PHC3: variants seen among roughly 807,000 people sequenced by gnomAD.
PHC3 encodes polyhomeotic homolog 3.
A neutral mutation model predicts 107.4 loss-of-function variants in PHC3; 13 were observed. That is an observed-to-expected ratio of 0.12 (90% CI 0.08 to 0.19). The LOEUF is 0.19. PHC3 is among the 10% of genes least tolerant of loss of function. The pLI is 1.00. For synonymous variants in PHC3, 456 were observed against 427.4 expected (o/e 1.07, Z -0.83); for missense variants, 992 against 1,210.9 (o/e 0.82, Z 2.68).
At position 170,117,479 on chromosome 3, in the gene PHC3, G is replaced by GAA. The variant is rs150242411; in HGVS notation, c.1943-5_1943-4dup. 8 of 1,555,792 alleles carry GAA rather than the reference G, an allele frequency of 5.1e-6. No individual in the cohort carries two copies. Among genetic ancestry groups the GAA allele is most frequent in the South Asian group, 2.4e-5 (2 of 83,664 alleles). ...CACAGCAGGTAATTCCACTTGCTCT[G>GAA]AAAAAAAAACCAAAAAGTCATTTAA... On this transcript the variant is annotated splice_polypyrimidine_tract_variant and splice_region_variant and intron_variant, in intron 9 of 14. Coordinates refer to ENST00000495893, the MANE Select transcript of PHC3 (RefSeq NM_024947.4).
At chr3:170,138,372 C>T (rs1723474520) in intron 6 of PHC3, among the ~76,000 whole-genome samples, 1 of 152,084 alleles carries the variant, frequency 6.6e-6, no homozygotes, top group Non-Finnish European at 1.5e-5. Context: ...CTAATAACCA[C>T]TGCATTATTA....
intron 4 of PHC3, chr3:170,149,850 C>CA (rs1725616215): frequency 6.6e-6 from 1 of 152,200 alleles, no homozygotes; most frequent in Non-Finnish European, 1.5e-5. Context: ...GGCCAGTGCT[C>CA]ACTTCCGCAG....
chr3:170,128,704 C>A lies in PHC3; in HGVS notation c.1768G>T (p.Ala590Ser). 8 of 1,613,952 alleles carry A rather than the reference C, an allele frequency of 5.0e-6. No homozygotes were observed. Among genetic ancestry groups the A allele is most frequent in the Non-Finnish European group, 6.8e-6 (8 of 1,179,828 alleles). ...VAVNLQVQPP[A>S]PVDPPVVYQV... ...CTTACCACTGGTGGATCAACAGGTG[C>A]TGGTGGTTGCACTTGTAGGTTTACC... is the stretch of plus-strand genomic sequence containing the variant. The change falls in exon 8 of 15, where the codon GCA becomes TCA. Residue 590 changes from alanine (A) to serine (S), a missense_variant. Ala to Ser is a moderately conservative substitution (Grantham distance 99). Coordinates refer to ENST00000495893, the MANE Select transcript of PHC3 (RefSeq NM_024947.4).
At chr3:170,109,113 G>A (rs1241247551) in intron 11 of PHC3, among the ~76,000 whole-genome samples, 1 of 152,132 alleles carries the variant, frequency 6.6e-6, no homozygotes, top group African/African-American at 2.4e-5. Context: ...TTACATTTAT[G>A]AATTAGAAAA....
At chr3:170,162,594 T>C (rs1046015118) in intron 4 of PHC3, among the ~76,000 whole-genome samples, 10 of 152,248 alleles carry the variant, frequency 6.6e-5, no homozygotes, top group Admixed American at 4.6e-4. Context: ...ATCACCATCA[T>C]GATCCAAATT....
At chr3:170,132,623 G>A (rs1369773793) in intron 7 of PHC3, among the ~76,000 whole-genome samples, 1 of 152,226 alleles carries the variant, frequency 6.6e-6, no homozygotes, top group Non-Finnish European at 1.5e-5. Context: ...AAGCCAGGAA[G>A]TGAGCCTTCA....
rs182437308 is a variant in PHC3 at position 170,100,356 on chromosome 3, T to C, written c.2833+2123A>G. Among the ~76,000 whole-genome samples the C allele has an allele frequency of 2.2e-4, 33 of 152,052 alleles. 1 individual carries two copies. In the East Asian group the frequency reaches 5.8e-3, roughly 27 times the overall value. ...CAAAGTCCAGAGAAGCAGAAAGAAA[T>C]GAACACTAAGGCATTTTCTGGTATG... On this transcript the variant is annotated intron_variant, in intron 14 of 14. Transcript: ENST00000495893.
At chr3:170,129,704 A>AG (rs1253999919) in intron 7 of PHC3, among the ~76,000 whole-genome samples, 152 bp from the exon 8 acceptor site, 2 of 151,926 alleles carry the variant, frequency 1.3e-5, no homozygotes, top group Non-Finnish European at 2.9e-5. Flanking sequence ...AAAAAAAAAA[A>AG]ATTTTTTTTT....
chr3:170,164,610 C>G (rs1352693618), intron 4 of PHC3, among the ~76,000 whole-genome samples: 1 of 152,010 alleles, frequency 6.6e-6, no homozygotes, highest in Non-Finnish European at 1.5e-5. Context: ...CAGAAGACCC[C>G]AAAAGGTAAA....
intron 12 of PHC3, among the ~76,000 whole-genome samples, chr3:170,104,823 T>C (rs1025514984): frequency 6.6e-6 from 1 of 152,246 alleles, no homozygotes; most frequent in African/African-American, 2.4e-5. Flanking sequence ...GTGTTCATAA[T>C]GTGCTCATTT....
chr3:170,165,424 T>C (rs891366441), intron 4 of PHC3, among the ~76,000 whole-genome samples: 3 of 151,950 alleles, frequency 2.0e-5, no homozygotes, highest in Admixed American at 6.6e-5. Context: ...GGACAACCAA[T>C]AGAAGCCAAT....
At chr3:170,110,396 T>C (rs1717403007) in intron 11 of PHC3, among the ~76,000 whole-genome samples, 3 of 152,184 alleles carry the variant, frequency 2.0e-5, no homozygotes, top group South Asian at 2.1e-4. Context: ...CGAAGTTACC[T>C]AGCACTTACA....
Position 170,173,245 on chromosome 3 carries a change from C to G in PHC3, c.181-533G>C, listed in dbSNP as rs550874278. Among the ~76,000 whole-genome samples, 17 of 151,338 alleles carry G rather than the reference C, an allele frequency of 1.1e-4. No homozygotes were observed. In the East Asian group the frequency reaches 3.3e-3, roughly 29 times the overall value. On this transcript the variant is annotated intron_variant, in intron 2 of 14. Transcript: ENST00000495893. ...AGTGGACAATTCGCAAAAGACAGGC[C>G]AGGCCAACTAAGCATTTCAAAAGAT...
At chr3:170,148,955 C>T (rs1388042002) in intron 5 of PHC3, 131 bp downstream of exon 5, 18 of 824,952 alleles carry the variant, frequency 2.2e-5, no homozygotes, top group Non-Finnish European at 3.0e-5. Context: ...GCTGAAGGCA[C>T]GCCCGCATGC....
intron 14 of PHC3, 169 bp downstream of exon 14, chr3:170,102,310 G>A: frequency 1.0e-6 from 1 of 985,400 alleles, no homozygotes; most frequent in Non-Finnish European, 1.2e-6. Context: ...GTAGTGCTGA[G>A]GGAATAAGCA....
intron 4 of PHC3, among the ~76,000 whole-genome samples, chr3:170,166,658 C>T (rs574361346): frequency 2.0e-5 from 3 of 148,616 alleles, no homozygotes; most frequent in African/African-American, 4.8e-5. Flanking sequence ...TGAAAGGGTA[C>T]GCACAGATTA....
intron 11 of PHC3, among the ~76,000 whole-genome samples, chr3:170,111,309 GGAAGGAAGGAACGAAC>G (rs1717646275): frequency 2.0e-5 from 2 of 97,914 alleles, no homozygotes; most frequent in South Asian, 6.3e-4. Context: ...AAGGAAGGAA[GGAAGGAAGGAACGAAC>G]GAACGAAAGA....
chr3:170,129,052 G>C lies in PHC3; in HGVS notation c.1420C>G (p.Pro474Ala). The C allele has an allele frequency of 1.9e-6, 3 of 1,612,274 alleles. No individual in the cohort carries two copies. The highest frequency in any genetic ancestry group is 2.5e-6 in the Non-Finnish European group (3 of 1,179,088). ...LPSHLPLPAS[P>A]VVHIGPVQQS... ...TGAACTGGGCCAATGTGTACAACAG[G>C]GGAAGCTGGAAGTGGAAGATGGGAT... The change falls in exon 8 of 15, where the codon CCT (proline) becomes GCT (alanine). Residue 474 changes from proline (P) to alanine (A), a missense_variant. Physicochemically the swap from Pro to Ala is conservative, Grantham distance 27. Around this residue, in one of 6 missense-constraint regions of PHC3, gnomAD observed 543 missense variants for 590.8 expected, o/e 0.92. Transcript: ENST00000495893.
intron 10 of PHC3, among the ~76,000 whole-genome samples, chr3:170,115,045 C>T (rs866666538): frequency 1.4e-4 from 21 of 152,064 alleles, no homozygotes; most frequent in African/African-American, 5.1e-4. Context: ...TTCAGCAATA[C>T]GTATCAAGAG....
Sources: allele counts gnomAD v4.1 joint callset (sites outside exome capture counted in the v4.1 genomes callset), GRCh38; gene constraint gnomAD v4.1.1; regional missense constraint gnomAD v4.1.1; transcripts MANE v1.5; gene names NCBI Gene and HGNC (gene_info 2026-07-23, HGNC 2026-07-21).